CNTLN: variants seen among roughly 807,000 people sequenced by gnomAD.
CNTLN encodes centlein, centrosomal protein.
A neutral mutation model predicts 180.0 loss-of-function variants in CNTLN; 212 were observed. That is an observed-to-expected ratio of 1.18 (90% CI 1.05 to 1.32). The LOEUF (loss-of-function observed/expected upper bound fraction) is 1.32, where lower values mean the gene tolerates loss of function less well. Among genes scored for constraint, CNTLN ranks in the 40% most tolerant of loss-of-function variants. CNTLN has a pLI of 0.00. For missense variants in CNTLN, 2,095 were observed against 1,610.9 expected (o/e 1.30, Z -5.14); for synonymous variants, 722 against 563.1 (o/e 1.28, Z -3.99).
intron 2 of CNTLN, among the ~76,000 whole-genome samples, chr9:17,198,386 C>CTTTTTTTTTTTTTTTTT (rs61209273): frequency 9.1e-6 from 1 of 109,748 alleles, no homozygotes; most frequent in African/African-American, 3.3e-5. Context: ...TCTTTTCTTT[C>CTTTTTTTTTTTTTTTTT]TTTTTTTTTT....
intron 18 of CNTLN, among the ~76,000 whole-genome samples, chr9:17,443,199 A>G (rs1830209001): frequency 6.6e-6 from 1 of 152,218 alleles, no homozygotes. Context: ...TGAAAGTTAA[A>G]TATATTAGAA....
intron 2 of CNTLN, among the ~76,000 whole-genome samples, chr9:17,214,633 A>G (rs886077683): frequency 6.6e-6 from 1 of 152,154 alleles, no homozygotes; most frequent in Admixed American, 6.5e-5. Context: ...TCTTCTGGAT[A>G]ATATCCTGCA....
chr9:17,500,776 ATG>A (rs1833706297), intron 25 of CNTLN, among the ~76,000 whole-genome samples: 3 of 151,936 alleles, frequency 2.0e-5, no homozygotes, highest in African/African-American at 7.2e-5. Context: ...TTAGATAGGA[ATG>A]CGTGTAGTAC....
intron 18 of CNTLN, among the ~76,000 whole-genome samples, chr9:17,443,740 C>A (rs1830242274): frequency 6.6e-6 from 1 of 152,048 alleles, no homozygotes; most frequent in African/African-American, 2.4e-5. Flanking sequence ...CTACTGATGT[C>A]ATTAGCCCAG....
intron 18 of CNTLN, among the ~76,000 whole-genome samples, chr9:17,444,038 T>C (rs542886456): frequency 3.3e-5 from 5 of 152,318 alleles, no homozygotes; most frequent in Admixed American, 6.5e-5. Context: ...CAAGACTGTC[T>C]TGATAGCAAG....
intron 8 of CNTLN, among the ~76,000 whole-genome samples, chr9:17,318,353 A>G (rs1819675380): frequency 6.6e-6 from 1 of 151,974 alleles, no homozygotes; most frequent in Non-Finnish European, 1.5e-5. Flanking sequence ...TTAAAAGATC[A>G]CTCTGGATGC....
Position 17,401,004 on chromosome 9 carries a change from C to T in CNTLN, c.2615+5935C>T, listed in dbSNP as rs145238828. 1.1e-3 allele frequency among the ~76,000 whole-genome samples: 174 copies of T among 152,160 alleles called. 1 individual carries two copies. Among genetic ancestry groups the T allele is most frequent in the Non-Finnish European group, 1.9e-3 (129 of 68,010 alleles). ...TTTTTATACTGCTATTTTTTAATGA[C>T]CTATACATTTCATTTGATCCTCATT... On this transcript the variant is annotated intron_variant, in intron 15 of 25. Transcript: ENST00000380647.
the CNTLN span, among the ~76,000 whole-genome samples, chr9:17,524,763 ATG>A: frequency 6.6e-6 from 1 of 152,210 alleles, no homozygotes; most frequent in Non-Finnish European, 1.5e-5. Flanking sequence ...AACACATTTT[ATG>A]TGTGCTTTAG....
intron 2 of CNTLN, among the ~76,000 whole-genome samples, chr9:17,169,026 C>A (rs1005259878): frequency 5.9e-5 from 9 of 152,122 alleles, no homozygotes; most frequent in African/African-American, 1.4e-4. Flanking sequence ...GTGACCGCAT[C>A]TTGCTTTGTC....
At chr9:17,393,241 A>G (rs910196745) in intron 14 of CNTLN, among the ~76,000 whole-genome samples, 1 of 152,086 alleles carries the variant, frequency 6.6e-6, no homozygotes, top group Non-Finnish European at 1.5e-5. Context: ...CAAAGGCGCC[A>G]CCTCATCATG....
chr9:17,423,829 G>C (rs1828897714), intron 18 of CNTLN, among the ~76,000 whole-genome samples: 1 of 152,072 alleles, frequency 6.6e-6, no homozygotes, highest in African/African-American at 2.4e-5. Flanking sequence ...ACTTTGCTCT[G>C]TCCCCCAAGC....
chr9:17,314,432 C>G (rs1437138230), intron 8 of CNTLN, among the ~76,000 whole-genome samples: 2 of 152,140 alleles, frequency 1.3e-5, no homozygotes. Flanking sequence ...GATTTAAATT[C>G]CAAGCCCTGC....
At chr9:17,212,654 G>T (rs1213590538) in intron 2 of CNTLN, among the ~76,000 whole-genome samples, 1 of 152,112 alleles carries the variant, frequency 6.6e-6, no homozygotes, top group African/African-American at 2.4e-5. Context: ...TTGTACTTCT[G>T]GTAGAATTCA....
rs1314361886 is a variant in CNTLN, at chr9:17,366,627, G to T, written c.1897G>T (p.Glu633Ter). ...ATTGCTTTTTCATAGGATGAATCTT[G>T]AAGAAGAATTAGATGAACTTAAAGT... is the stretch of plus-strand genomic sequence containing the variant. ...QELMIQKMNL[E>*]EELDELKVHI... Residue 633 changes from glutamate to a stop codon, truncating the protein, a stop_gained, in exon 13 of 26, where the codon GAA becomes TAA. Transcript: ENST00000380647. LOFTEE classifies it high-confidence loss of function. The T allele has an allele frequency of 6.6e-7, 1 of 1,503,898 alleles. No homozygotes were observed. Among genetic ancestry groups the T allele is most frequent in the Non-Finnish European group, 9.2e-7 (1 of 1,090,182 alleles). 93.2% of individuals were successfully genotyped at this position (1,503,898 alleles called of 1,614,324 possible). A position where few individuals can be genotyped will look rare whatever the true frequency, so the allele number is the denominator to read the frequency against.
chr9:17,151,208 C>T (rs1818850475), intron 2 of CNTLN, among the ~76,000 whole-genome samples: 1 of 152,156 alleles, frequency 6.6e-6, no homozygotes, highest in South Asian at 2.1e-4. Flanking sequence ...TGAGAGAGGG[C>T]ATCCTTGTCT....
chr9:17,501,671 A>G (rs2754322), intron 25 of CNTLN, among the ~76,000 whole-genome samples: 4,525 of 152,316 alleles, frequency 0.03, 99 homozygotes, highest in Middle Eastern at 0.044. Context: ...TCCCATTAAT[A>G]TATTCAGAGA....
At chr9:17,290,782 C>T (rs1410525991) in intron 6 of CNTLN, among the ~76,000 whole-genome samples, 4 of 151,908 alleles carry the variant, frequency 2.6e-5, no homozygotes, top group African/African-American at 7.2e-5. Flanking sequence ...CCAGGTGCGT[C>T]TGTCACCCCT....
intron 12 of CNTLN, among the ~76,000 whole-genome samples, 162 bp from the exon 13 acceptor site, chr9:17,366,455 T>C (rs1195932965): frequency 6.6e-6 from 1 of 152,188 alleles, no homozygotes; most frequent in African/African-American, 2.4e-5. Flanking sequence ...GTGAATATTA[T>C]TGATTTATTT....
intron 2 of CNTLN, among the ~76,000 whole-genome samples, chr9:17,201,203 G>A (rs1563874587): frequency 6.6e-6 from 1 of 152,192 alleles, no homozygotes. Flanking sequence ...TGGTGGATAA[G>A]CTTTTTTGAT....
Sources: allele counts gnomAD v4.1 joint callset (sites outside exome capture counted in the v4.1 genomes callset), GRCh38; gene constraint gnomAD v4.1.1; transcripts MANE v1.5; gene names NCBI Gene and HGNC (gene_info 2026-07-23, HGNC 2026-07-21).